Variants in TENT4B observed in about 807,000 individuals in gnomAD.
The protein encoded by TENT4B is terminal nucleotidyltransferase 4B, also known as PAP associated domain containing 5.
A neutral mutation model predicts 75.0 loss-of-function variants in TENT4B; 10 were observed. That is an observed-to-expected ratio of 0.13 (90% CI 0.08 to 0.23). The LOEUF (loss-of-function observed/expected upper bound fraction) is 0.23, where lower values mean the gene tolerates loss of function less well. Ranked by LOEUF, TENT4B falls within the 10% of genes least tolerant of loss-of-function variation. TENT4B has a pLI of 1.00. For synonymous variants in TENT4B, 350 were observed against 357.7 expected (o/e 0.98, Z 0.24); for missense variants, 579 against 893.8 (o/e 0.65, Z 4.49).
In TENT4B at chr16:50,233,187, T is replaced by C. The variant is rs1328158715; in HGVS notation, c.*3859T>C. On this transcript the variant is annotated 3_prime_UTR_variant, in exon 12 of 12. Coordinates refer to ENST00000561678, the MANE Select transcript of TENT4B (RefSeq NM_001365324.3). ...GGGTCATAGTTCATCTAGTAAAATA[T>C]TTAGAGAATGATGTTAACATTCCAG... The C allele has an allele frequency of 1.4e-5, 14 of 984,716 alleles. No homozygotes were observed. Among genetic ancestry groups the C allele is most frequent in the Non-Finnish European group, 1.7e-5 (14 of 829,384 alleles). The allele number at this position is 984,716 out of a possible 1,614,324, so 61.0% of individuals were successfully genotyped here.
At chr16:50,166,268 AG>A (rs1333648812) in intron 1 of TENT4B, among the ~76,000 whole-genome samples, 1 of 150,698 alleles carries the variant, frequency 6.6e-6, no homozygotes, top group Non-Finnish European at 1.5e-5. Flanking sequence ...TATTTTTTAT[AG>A]AGACAGGGTT....
In TENT4B at chr16:50,230,513, T is replaced by C; in HGVS notation, c.*1185T>C. ...AAATCATACTTATAAAAAACTATTTTCTTATATTCCACTCTATGCTTTTGG... is the reference window on the plus strand; with the variant it reads ...AAATCATACTTATAAAAAACTATTTCCTTATATTCCACTCTATGCTTTTGG... On this transcript the variant is annotated 3_prime_UTR_variant, in exon 12 of 12. Coordinates refer to ENST00000561678, the MANE Select transcript of TENT4B (RefSeq NM_001365324.3). The C allele has an allele frequency of 1.0e-6, 1 of 978,188 alleles. No homozygotes were observed. Among genetic ancestry groups the C allele is most frequent in the Non-Finnish European group, 1.2e-6 (1 of 822,954 alleles). 60.6% of individuals were successfully genotyped at this position (978,188 alleles called of 1,614,324 possible). A position where few individuals can be genotyped will look rare whatever the true frequency, so the allele number is the denominator to read the frequency against.
Position 50,233,557 on chromosome 16 carries a change from C to A in TENT4B, c.*4229C>A. The stretch of plus-strand genomic sequence containing the variant: ...AATATATATAGACGTTGAATGTTGA[C>A]AAAATTATTAACCAGAAAAATTGCT... On this transcript the variant is annotated 3_prime_UTR_variant, in exon 12 of 12. Coordinates refer to ENST00000561678, the MANE Select transcript of TENT4B (RefSeq NM_001365324.3). 1 of 984,632 alleles carries A rather than the reference C, an allele frequency of 1.0e-6. No homozygotes were observed. Among genetic ancestry groups the A allele is most frequent in the Non-Finnish European group, 1.2e-6 (1 of 829,456 alleles). 61.0% of individuals were successfully genotyped at this position (984,632 alleles called of 1,614,324 possible).
chr16:50,183,518 A>C (rs1202834805), intron 1 of TENT4B, among the ~76,000 whole-genome samples: 4 of 99,050 alleles, frequency 4.0e-5, no homozygotes, highest in East Asian at 5.8e-4. Flanking sequence ...TCACTTAAAA[A>C]CCCTTTTTTT....
intron 1 of TENT4B, among the ~76,000 whole-genome samples, chr16:50,187,080 C>G (rs1437848735): frequency 6.6e-6 from 1 of 152,018 alleles, no homozygotes; most frequent in Non-Finnish European, 1.5e-5. Flanking sequence ...TTGATAGTGT[C>G]CTTTGATGCA....
In TENT4B at chr16:50,170,132, A is replaced by G. The variant is rs367597464; in HGVS notation, c.638+15873A>G. Reference sequence around the variant, plus strand: ...AGTGGTGCAATCTCCGCTCACTGCAACCTCAGCCTCCCGAGTAGCTGGGAT... The same window carrying G: ...AGTGGTGCAATCTCCGCTCACTGCAGCCTCAGCCTCCCGAGTAGCTGGGAT... On this transcript the variant is annotated intron_variant, in intron 1 of 11. Transcript: ENST00000561678. Among the ~76,000 whole-genome samples, 12 of 151,830 alleles carry G rather than the reference A, an allele frequency of 7.9e-5. No homozygotes were observed. The South Asian group carries it at 2.1e-3, about 26-fold the overall frequency.
chr16:50,166,259 A>AT lies in TENT4B; in HGVS notation c.638+12006dup, dbSNP rs542964729. On this transcript the variant is annotated intron_variant, in intron 1 of 11. Transcript: ENST00000561678. ...GTCACCATGCCTGGCTAATTTTTGT[A>AT]TTTTTTATAGAGACAGGGTTTTGCC... is the stretch of plus-strand genomic sequence containing the variant. Among the ~76,000 whole-genome samples the AT allele has an allele frequency of 9.6e-3, 1,426 of 148,532 alleles. 16 individuals are homozygous for AT. Among genetic ancestry groups the AT allele is most frequent in the Middle Eastern group, 0.066 (19 of 290 alleles).
intron 1 of TENT4B, among the ~76,000 whole-genome samples, chr16:50,189,957 T>G (rs781469480): frequency 8.6e-5 from 13 of 151,254 alleles, no homozygotes; most frequent in Non-Finnish European, 1.8e-4. Flanking sequence ...ATGCCTGTAA[T>G]CCTAGCTACT....
intron 1 of TENT4B, among the ~76,000 whole-genome samples, chr16:50,156,765 C>T (rs973939332): frequency 6.6e-6 from 1 of 152,114 alleles, no homozygotes; most frequent in South Asian, 2.1e-4. Context: ...AGTGATCCTC[C>T]TGCCTTAGCT....
intron 1 of TENT4B, among the ~76,000 whole-genome samples, chr16:50,189,676 G>GT (rs2038601915): frequency 6.6e-6 from 1 of 150,594 alleles, no homozygotes; most frequent in South Asian, 2.1e-4. Flanking sequence ...ATTCCAGGAT[G>GT]TAATTCAGCA....
intron 4 of TENT4B, among the ~76,000 whole-genome samples, chr16:50,217,267 C>T (rs1231281479): frequency 1.3e-5 from 2 of 151,968 alleles, no homozygotes; most frequent in Non-Finnish European, 2.9e-5. Flanking sequence ...AAAACATGTA[C>T]ACCTTAAATA....
Position 50,231,207 on chromosome 16 carries a change from TTA to T in TENT4B, c.*1880_*1881del. 1 of 985,214 alleles carries T rather than the reference TTA, an allele frequency of 1.0e-6. No individual in the cohort carries two copies. Among genetic ancestry groups the T allele is most frequent in the East Asian group, 1.1e-4 (1 of 8,820 alleles). 61.0% of individuals were successfully genotyped at this position (985,214 alleles called of 1,614,324 possible). A position where few individuals can be genotyped will look rare whatever the true frequency, so the allele number is the denominator to read the frequency against. Reference sequence around the variant, plus strand: ...TGTTATTTTGACAATGTTTTAAATTTTAGAGTCACATTTTATTCTGATCAGAA... The same window carrying T: ...TGTTATTTTGACAATGTTTTAAATTTGAGTCACATTTTATTCTGATCAGAA... On this transcript the variant is annotated 3_prime_UTR_variant, in exon 12 of 12. Transcript: ENST00000561678.
chr16:50,203,643 T>C (rs1034343353), intron 1 of TENT4B, among the ~76,000 whole-genome samples: 3 of 151,950 alleles, frequency 2.0e-5, no homozygotes, highest in Admixed American at 2.0e-4. Flanking sequence ...TTGTCCTCCT[T>C]CTGGTTTTGT....
chr16:50,195,786 A>G (rs2030194771), intron 1 of TENT4B, among the ~76,000 whole-genome samples: 1 of 152,244 alleles, frequency 6.6e-6, no homozygotes, highest in Admixed American at 6.5e-5. Context: ...AAATATACAT[A>G]TAAATTTTAC....
intron 1 of TENT4B, among the ~76,000 whole-genome samples, chr16:50,197,803 G>C (rs1401603435): frequency 1.3e-5 from 2 of 152,072 alleles, no homozygotes; most frequent in Non-Finnish European, 2.9e-5. Context: ...TTGTACAGTT[G>C]GCCACCTTTG....
Position 50,214,259 on chromosome 16 carries a change from A to G in TENT4B, c.801A>G (p.Leu267=). The G allele has an allele frequency of 1.3e-6, 2 of 1,589,730 alleles. No homozygotes were observed. The highest frequency in any genetic ancestry group is 1.7e-6 in the Non-Finnish European group (2 of 1,160,494). Residue 267 remains leucine, a synonymous_variant, in exon 3 of 12, where the codon TTA becomes TTG. Coordinates refer to ENST00000561678, the MANE Select transcript of TENT4B (RefSeq NM_001365324.3). ...IFGSFKTGLY[L]PTSDIDLVVF... is the part of the protein sequence containing the mutation. ...GAAGTTTTAAAACTGGACTTTATTT[A>G]CCTACTAGGTTAGTACACTCATGAA...
Position 50,234,361 on chromosome 16 carries a change from A to G in TENT4B, c.*5033A>G. ...GGAAAAGCATTCTCCAAAGCCAGCAACTTGGTGAAGTTCAGTACTTGCCTC... is the reference window on the plus strand; with the variant it reads ...GGAAAAGCATTCTCCAAAGCCAGCAGCTTGGTGAAGTTCAGTACTTGCCTC... On this transcript the variant is annotated 3_prime_UTR_variant, in exon 12 of 12. Coordinates refer to ENST00000561678, the MANE Select transcript of TENT4B (RefSeq NM_001365324.3). 1.2e-5 allele frequency: 11 copies of G among 923,234 alleles called. No homozygotes were observed. The highest frequency in any genetic ancestry group is 1.4e-5 in the Non-Finnish European group (11 of 796,424). 57.2% of individuals were successfully genotyped at this position (923,234 alleles called of 1,614,324 possible). A position where few individuals can be genotyped will look rare whatever the true frequency, so the allele number is the denominator to read the frequency against.
At chr16:50,200,770 G>A (rs1344398030) in intron 1 of TENT4B, among the ~76,000 whole-genome samples, 2 of 151,440 alleles carry the variant, frequency 1.3e-5, no homozygotes, top group African/African-American at 2.4e-5. Flanking sequence ...TTGAATACCT[G>A]CCTTTTGCTT....
intron 1 of TENT4B, among the ~76,000 whole-genome samples, chr16:50,189,149 G>A (rs2038591999): frequency 2.0e-5 from 3 of 152,172 alleles, no homozygotes; most frequent in Middle Eastern, 6.8e-3. Context: ...CAAAATAAAA[G>A]CTTTTATTCT....
Sources: gnomAD v4.1 joint callset for allele counts (sites outside exome capture counted in the v4.1 genomes callset) on GRCh38, gnomAD v4.1.1 for gene constraint, MANE v1.5 for transcripts, NCBI Gene and HGNC (gene_info 2026-07-23, HGNC 2026-07-21) for gene names.